Variants in KYNU observed in about 807,000 individuals in gnomAD.
KYNU encodes kynureninase.
KYNU carries 54 observed loss-of-function variants against 59.2 expected under a neutral mutation model. The ratio of observed to expected loss-of-function variants is 0.91; its 90% CI spans 0.73 to 1.14. The LOEUF is 1.14. KYNU is among the 50% of genes most tolerant of loss of function. The pLI is 0.00. For missense variants in KYNU, 567 were observed against 554.4 expected (o/e 1.02, Z -0.23); for synonymous variants, 177 against 192.0 (o/e 0.92, Z 0.65).
Position 143,042,282 on chromosome 2 carries a change from C to G in KYNU, c.*110C>G, listed in dbSNP as rs1304113701. 1 of 1,078,894 alleles carries G rather than the reference C, an allele frequency of 9.3e-7. No individual in the cohort carries two copies. Among genetic ancestry groups the G allele is most frequent in the Non-Finnish European group, 1.4e-6 (1 of 725,116 alleles). 66.8% of individuals were successfully genotyped at this position (1,078,894 alleles called of 1,614,324 possible). On this transcript the variant is annotated 3_prime_UTR_variant, in exon 14 of 14. Transcript: ENST00000264170. ...GTATGTCACCATTGACCACATGTAA[C>G]TAACAATAAATAATATACCTTACAG...
intron 9 of KYNU, 75 bp from the exon 10 acceptor site, chr2:142,985,873 A>G (rs1685182225): frequency 2.0e-6 from 2 of 994,588 alleles, no homozygotes; most frequent in Middle Eastern, 4.3e-4. Flanking sequence ...CAATTAAAAA[A>G]TTCAAATGAC....
chr2:142,979,591 T>G (rs578060419), intron 8 of KYNU, among the ~76,000 whole-genome samples: 2 of 152,018 alleles, frequency 1.3e-5, no homozygotes, highest in African/African-American at 4.8e-5. Context: ...TTTATGTAAA[T>G]AGAGAGAAGT....
intron 10 of KYNU, chr2:142,988,753 T>C (rs1180859787): frequency 5.6e-6 from 5 of 889,842 alleles, no homozygotes; most frequent in Non-Finnish European, 9.6e-6. Context: ...TCTTTTTAAG[T>C]GATGTCAGTG....
Position 143,042,170 on chromosome 2 carries a change from T to C in KYNU, c.1396T>C (p.Ter466GlnextTer25), listed in dbSNP as rs1259631263. Reference protein sequence around the residue: ...SILDSAETKN* With the variant: ...SILDSAETKNQ ...ACTTGACTCTGCAGAAACAAAAAAT[T>C]AGCAGTGTTTTCTAGAACAACTTAA... is the stretch of plus-strand genomic sequence containing the variant. The change falls in exon 14 of 14, where the codon TAG (stop) becomes CAG (glutamine). Residue 466 changes from the stop codon to glutamine, a stop_lost. Coordinates refer to ENST00000264170, the MANE Select transcript of KYNU (RefSeq NM_003937.3). 1.2e-6 allele frequency: 2 copies of C among 1,608,550 alleles called. No homozygotes were observed. Among genetic ancestry groups the C allele is most frequent in the East Asian group, 2.2e-5 (1 of 44,784 alleles).
intron 8 of KYNU, among the ~76,000 whole-genome samples, chr2:142,972,813 T>TATAGAG (rs1478067181): frequency 4.3e-4 from 54 of 124,222 alleles, no homozygotes; most frequent in Middle Eastern, 4.3e-3. Context: ...TATATATATA[T>TATAGAG]AGAGAGAGAG....
At chr2:142,977,863 T>G (rs909857671) in intron 8 of KYNU, among the ~76,000 whole-genome samples, 5 of 152,152 alleles carry the variant, frequency 3.3e-5, no homozygotes, top group Non-Finnish European at 5.9e-5. Flanking sequence ...CCGTGGCAAA[T>G]TTAGTCTGCA....
chr2:142,939,080 G>A (rs1175558454), intron 4 of KYNU, among the ~76,000 whole-genome samples: 2 of 152,058 alleles, frequency 1.3e-5, no homozygotes, highest in Middle Eastern at 3.4e-3. Context: ...CTCAGGAGGT[G>A]GAGGCTGCAA....
chr2:142,953,885 T>C (rs998024762), intron 4 of KYNU: 1 of 152,186 alleles, frequency 6.6e-6, no homozygotes, highest in African/African-American at 2.4e-5. Flanking sequence ...GAACTTATCC[T>C]GGAATCTGTC....
At chr2:142,935,605 G>C (rs954225348) in intron 4 of KYNU, among the ~76,000 whole-genome samples, 1 of 152,174 alleles carries the variant, frequency 6.6e-6, no homozygotes, top group Non-Finnish European at 1.5e-5. Context: ...AATATAAGAG[G>C]TGGGGTCTTC....
chr2:142,987,882 G>C (rs1360374957), intron 10 of KYNU, among the ~76,000 whole-genome samples: 1 of 151,748 alleles, frequency 6.6e-6, no homozygotes, highest in African/African-American at 2.4e-5. Flanking sequence ...ATGAAATATA[G>C]TTGTTTAAAA....
chr2:142,951,812 A>G (rs976350768), intron 4 of KYNU, among the ~76,000 whole-genome samples: 6 of 152,240 alleles, frequency 3.9e-5, no homozygotes, highest in Non-Finnish European at 8.8e-5. Flanking sequence ...CCATTGTACA[A>G]TAATGTTTGT....
chr2:143,006,321 C>A (rs1685891576), intron 10 of KYNU, among the ~76,000 whole-genome samples: 1 of 151,806 alleles, frequency 6.6e-6, no homozygotes, highest in Non-Finnish European at 1.5e-5. Context: ...TCGGGTCACT[C>A]CCACCCGAAT....
Position 143,053,023 on chromosome 2 carries a change from G to A in KYNU, c.*10851G>A, listed in dbSNP as rs1439961854. ...CTGTGGGAGACCACCTCTTGCATCA[G>A]TGTGACCTGGATGTGAGACATGGAG... On this transcript the variant is annotated 3_prime_UTR_variant, in exon 14 of 14. Coordinates refer to ENST00000264170, the MANE Select transcript of KYNU (RefSeq NM_003937.3). The A allele has an allele frequency of 6.6e-6, 1 of 152,414 alleles. No homozygotes were observed. Among genetic ancestry groups the A allele is most frequent in the Admixed American group, 6.5e-5 (1 of 15,292 alleles). 9.4% of individuals were successfully genotyped at this position (152,414 alleles called of 1,614,324 possible).
chr2:142,916,167 T>A (rs1436997517), intron 2 of KYNU, among the ~76,000 whole-genome samples: 1 of 152,170 alleles, frequency 6.6e-6, no homozygotes, highest in African/African-American at 2.4e-5. Context: ...CTAGAAGCCC[T>A]AGTAAACTAG....
chr2:142,946,180 CT>C (rs1217776137), intron 4 of KYNU, among the ~76,000 whole-genome samples: 1 of 152,082 alleles, frequency 6.6e-6, no homozygotes, highest in Non-Finnish European at 1.5e-5. Context: ...TTCCTGGGCT[CT>C]GGCAATTCTC....
chr2:142,971,018 T>G (rs372100611), intron 8 of KYNU, among the ~76,000 whole-genome samples: 12 of 152,198 alleles, frequency 7.9e-5, no homozygotes, highest in African/African-American at 2.9e-4. Flanking sequence ...TTGCTTTGTG[T>G]AGGCCCTCAT....
At chr2:142,944,978 A>T (rs191683741) in intron 4 of KYNU, among the ~76,000 whole-genome samples, 1 of 152,322 alleles carries the variant, frequency 6.6e-6, no homozygotes, top group African/African-American at 2.4e-5. Flanking sequence ...TACCTTAATT[A>T]AAAAAATACT....
chr2:142,949,229 C>A (rs563006756), intron 4 of KYNU, among the ~76,000 whole-genome samples: 85 of 152,314 alleles, frequency 5.6e-4, no homozygotes, highest in Non-Finnish European at 8.8e-4. Context: ...GTATCTGTGG[C>A]TTTTCTGGGC....
At chr2:142,921,000 C>T (rs1573792346) in intron 3 of KYNU, among the ~76,000 whole-genome samples, 1 of 152,294 alleles carries the variant, frequency 6.6e-6, no homozygotes, top group East Asian at 1.9e-4. Context: ...GAAACTTTTT[C>T]TCTACCAAAT....
Sources: allele counts gnomAD v4.1 joint callset (sites outside exome capture counted in the v4.1 genomes callset), GRCh38; gene constraint gnomAD v4.1.1; transcripts MANE v1.5; gene names NCBI Gene and HGNC (gene_info 2026-07-23, HGNC 2026-07-21).